The following C1QTNF2 variants were observed in gnomAD, a reference collection of about 807,000 sequenced individuals.
C1QTNF2 encodes C1q and TNF related 2.
Under a neutral mutation model 17.4 loss-of-function variants are expected in C1QTNF2, and 15 were observed. The observed-to-expected ratio is 0.86, with a 90% CI of 0.58 to 1.33. C1QTNF2 has a LOEUF of 1.33. Ranked by LOEUF, C1QTNF2 falls within the 40% of genes most tolerant of loss-of-function variation. The pLI is 0.00. For synonymous variants in C1QTNF2, 154 were observed against 163.3 expected (o/e 0.94, Z 0.44); for missense variants, 381 against 392.3 (o/e 0.97, Z 0.24).
intron 1 of C1QTNF2, 87 bp from the exon 2 acceptor site, chr5:160,355,107 G>C: frequency 2.1e-6 from 3 of 1,440,718 alleles, no homozygotes; most frequent in African/African-American, 2.9e-5. Flanking sequence ...GGAGGAGGCA[G>C]CTGGGATACA....
At chr5:160,357,994 G>A (rs1168896804) in intron 1 of C1QTNF2, among the ~76,000 whole-genome samples, 3 of 152,232 alleles carry the variant, frequency 2.0e-5, no homozygotes, top group Non-Finnish European at 4.4e-5. Context: ...CTCCACAAGA[G>A]GAAGGCGGAT....
At chr5:160,363,121 G>C (rs1764184229) in intron 1 of C1QTNF2, among the ~76,000 whole-genome samples, 1 of 152,286 alleles carries the variant, frequency 6.6e-6, no homozygotes, top group African/African-American at 2.4e-5. Context: ...TGTTAAAAGG[G>C]ACAAGGTTTG....
chr5:160,361,655 T>C, intron 1 of C1QTNF2, among the ~76,000 whole-genome samples: 1 of 152,188 alleles, frequency 6.6e-6, no homozygotes, highest in East Asian at 1.9e-4. Context: ...TCAAAGATTC[T>C]ATTTAGCCCA....
rs750083087 is a variant in C1QTNF2 at position 160,349,254 on chromosome 5, C to T, written c.772G>A (p.Gly258Arg). Residue 258 changes from glycine (G) to arginine (R), a missense_variant, in exon 3 of 3, where the codon GGG becomes AGG. Gly to Arg is a moderately radical substitution (Grantham distance 125). Coordinates refer to ENST00000652664, the MANE Select transcript of C1QTNF2 (RefSeq NM_031908.6). The surrounding 1 kb of genome is among the most constrained non-coding windows in gnomAD (Gnocchi z 4.3). Reference protein sequence around the residue: ...WLQIFYSEQNGLFYDPYWTDS... With the variant: ...WLQIFYSEQNRLFYDPYWTDS... Reference sequence around the variant, plus strand: ...GTCCAGTAAGGGTCATAGAAGAGCCCGTTCTGCTCTGAGTAGAAGATCTGC... The same window carrying T: ...GTCCAGTAAGGGTCATAGAAGAGCCTGTTCTGCTCTGAGTAGAAGATCTGC... The T allele has an allele frequency of 8.1e-6, 13 of 1,613,940 alleles. No homozygotes were observed. Among genetic ancestry groups the T allele is most frequent in the South Asian group, 2.2e-5 (2 of 91,070 alleles).
At chr5:160,363,430 C>T (rs1008015171) in intron 1 of C1QTNF2, among the ~76,000 whole-genome samples, 3 of 152,182 alleles carry the variant, frequency 2.0e-5, no homozygotes, top group Non-Finnish European at 4.4e-5. Flanking sequence ...CAGGATGCCT[C>T]AGAAAATATT....
chr5:160,351,831 C>T (rs1035839880), intron 2 of C1QTNF2, among the ~76,000 whole-genome samples: 2 of 148,470 alleles, frequency 1.3e-5, no homozygotes, highest in African/African-American at 4.9e-5. Flanking sequence ...TCAGAAAAGT[C>T]ACAAAGCTAT....
chr5:160,366,074 C>T (rs1253229756), intron 1 of C1QTNF2, among the ~76,000 whole-genome samples: 1 of 152,128 alleles, frequency 6.6e-6, no homozygotes, highest in Non-Finnish European at 1.5e-5. Flanking sequence ...ACACACTGTG[C>T]CCTATTTGTA....
At chr5:160,360,826 C>T (rs186537508) in intron 1 of C1QTNF2, among the ~76,000 whole-genome samples, 4 of 145,100 alleles carry the variant, frequency 2.8e-5, no homozygotes, top group East Asian at 4.0e-4. Context: ...GATGGAGTCT[C>T]GCTCTGCTGC....
At chr5:160,369,990 A>T (rs1764319964) in intron 1 of C1QTNF2, among the ~76,000 whole-genome samples, 1 of 152,240 alleles carries the variant, frequency 6.6e-6, no homozygotes, top group Admixed American at 6.5e-5. Context: ...ATTTAAATAA[A>T]TGTGAAGGTT....
chr5:160,365,366 C>T (rs979196923), intron 1 of C1QTNF2, among the ~76,000 whole-genome samples: 4 of 152,188 alleles, frequency 2.6e-5, no homozygotes, highest in African/African-American at 9.7e-5. Context: ...CCAAGAACTT[C>T]CATGGAGTCA....
chr5:160,359,480 A>C (rs574095308), intron 1 of C1QTNF2, among the ~76,000 whole-genome samples: 1 of 152,334 alleles, frequency 6.6e-6, no homozygotes, highest in East Asian at 1.9e-4. Flanking sequence ...CATTACAGAA[A>C]AGACCTTGAA....
chr5:160,360,535 G>A (rs1443805042), intron 1 of C1QTNF2, among the ~76,000 whole-genome samples: 1 of 152,128 alleles, frequency 6.6e-6, no homozygotes, highest in Non-Finnish European at 1.5e-5. Context: ...TGGCCCCTAG[G>A]GTGGGGCCAG....
intron 1 of C1QTNF2, 29 bp from the exon 2 acceptor site, chr5:160,355,049 T>A (rs1203902118): frequency 6.6e-7 from 1 of 1,505,344 alleles, no homozygotes. Context: ...CTGTGACAGG[T>A]GAGTGTGGCC....
chr5:160,354,711 A>ACAT (rs1224748459), intron 2 of C1QTNF2, 57 bp downstream of exon 2: 1 of 1,605,136 alleles, frequency 6.2e-7, no homozygotes, highest in Admixed American at 1.7e-5. Flanking sequence ...GATGCCCCCC[A>ACAT]CATGCCGGAT....
At chr5:160,362,639 C>T (rs1048174932) in intron 1 of C1QTNF2, among the ~76,000 whole-genome samples, 3 of 152,068 alleles carry the variant, frequency 2.0e-5, no homozygotes, top group Non-Finnish European at 4.4e-5. Context: ...CCCAGCCCAC[C>T]GGTATTATTA....
At chr5:160,354,227 C>T (rs770978756) in intron 2 of C1QTNF2, among the ~76,000 whole-genome samples, 75 of 152,058 alleles carry the variant, frequency 4.9e-4, no homozygotes, top group Non-Finnish European at 9.3e-4. Context: ...ACTTAGCAAC[C>T]CAAAGGTGCA....
At chr5:160,360,529 C>A (rs1256367884) in intron 1 of C1QTNF2, among the ~76,000 whole-genome samples, 2 of 152,066 alleles carry the variant, frequency 1.3e-5, no homozygotes, top group African/African-American at 2.4e-5. Context: ...CCTCTCTGGC[C>A]CCTAGGGTGG....
chr5:160,368,831 A>G (rs1019522978), intron 1 of C1QTNF2, among the ~76,000 whole-genome samples: 4 of 152,212 alleles, frequency 2.6e-5, no homozygotes, highest in Admixed American at 2.6e-4. Flanking sequence ...AGAGGAAAAA[A>G]GTGACACCTT....
chr5:160,350,351 A>G (rs1268490058), intron 2 of C1QTNF2, among the ~76,000 whole-genome samples: 1 of 152,200 alleles, frequency 6.6e-6, no homozygotes, highest in Non-Finnish European at 1.5e-5. Flanking sequence ...CGTGTGCTCT[A>G]TGAAACCTTC....
Sources: gnomAD v4.1 joint callset for allele counts (sites outside exome capture counted in the v4.1 genomes callset) on GRCh38, gnomAD v4.1.1 for gene constraint, Gnocchi (gnomAD v3.1) non-coding constraint, MANE v1.5 for transcripts, NCBI Gene and HGNC (gene_info 2026-07-23, HGNC 2026-07-21) for gene names.